The following MAL2 variants were observed in gnomAD, a reference collection of about 807,000 sequenced individuals.
The protein encoded by MAL2 is protein MAL2.
Under a neutral mutation model 18.1 loss-of-function variants are expected in MAL2, and 17 were observed. The ratio of observed to expected loss-of-function variants is 0.94; its 90% CI spans 0.64 to 1.41. The LOEUF is 1.41. Among genes scored for constraint, MAL2 ranks in the 40% most tolerant of loss-of-function variants. The pLI, the probability that MAL2 is intolerant of heterozygous loss-of-function variation, is 0.00. For missense variants in MAL2, 222 were observed against 231.9 expected (o/e 0.96, Z 0.28); for synonymous variants, 102 against 102.3 (o/e 1.00, Z 0.02).
intron 2 of MAL2, among the ~76,000 whole-genome samples, chr8:119,230,136 C>A (rs945827112): frequency 1.3e-5 from 2 of 152,184 alleles, no homozygotes; most frequent in Non-Finnish European, 2.9e-5. Flanking sequence ...TTTTCAAACA[C>A]TTGTCACTCT....
intron 2 of MAL2, among the ~76,000 whole-genome samples, chr8:119,235,369 A>T (rs548395743): frequency 0.015 from 2,259 of 152,226 alleles, 60 homozygotes; most frequent in African/African-American, 0.052. Flanking sequence ...AAGTTGGAAA[A>T]CACTACAGGA....
intron 2 of MAL2, among the ~76,000 whole-genome samples, chr8:119,227,171 A>C (rs904348781): frequency 1.3e-5 from 2 of 152,202 alleles, no homozygotes; most frequent in African/African-American, 2.4e-5. Flanking sequence ...TTAATGCATT[A>C]ATTAATGTTA....
chr8:119,240,298 A>T lies in MAL2; in HGVS notation c.437A>T (p.Tyr146Phe). The T allele has an allele frequency of 1.9e-6, 3 of 1,613,636 alleles. No homozygotes were observed. The change falls in exon 3 of 4, where the codon TAT (tyrosine) becomes TTT (phenylalanine). Residue 146 changes from tyrosine to phenylalanine, a missense_variant. Transcript: ENST00000614891. ...CAGCCACTCCTGAGTGATAACCAGT[A>T]TAACATAAACGTAGCAGCCTCAGTA... ...TGQPLLSDNQ[Y>F]NINVAASIFA...
intron 2 of MAL2, among the ~76,000 whole-genome samples, chr8:119,238,219 C>T (rs1470220248): frequency 6.6e-6 from 1 of 152,134 alleles, no homozygotes; most frequent in Non-Finnish European, 1.5e-5. Flanking sequence ...CCTAGGAATC[C>T]AACTTACAAG....
At chr8:119,226,671 A>G (rs1340269469) in intron 2 of MAL2, among the ~76,000 whole-genome samples, 1 of 152,062 alleles carries the variant, frequency 6.6e-6, no homozygotes, top group Non-Finnish European at 1.5e-5. Flanking sequence ...GGCTGGGTTC[A>G]TCTGCTAATA....
chr8:119,234,847 C>T (rs1363465798), intron 2 of MAL2, among the ~76,000 whole-genome samples: 1 of 151,802 alleles, frequency 6.6e-6, no homozygotes, highest in African/African-American at 2.4e-5. Flanking sequence ...GATAAAACCA[C>T]AAAGATGGGG....
In MAL2 at chr8:119,208,437, G is replaced by A. The variant is rs1385152281; in HGVS notation, c.-36G>A. 8.6e-5 allele frequency: 98 copies of A among 1,139,714 alleles called. No homozygotes were observed. The highest frequency in any genetic ancestry group is 1.0e-4 in the Non-Finnish European group (94 of 925,506). The allele number at this position is 1,139,714 out of a possible 1,614,324, so 70.6% of individuals were successfully genotyped here. A position where few individuals can be genotyped will look rare whatever the true frequency, so the allele number is the denominator to read the frequency against. ...CCGGGAGGCGGAGGCGGGAGGCGGC[G>A]GCGGCGCGCGGAGACGCAGCAGCGG... On this transcript the variant is annotated 5_prime_UTR_variant, in exon 1 of 4. Transcript: ENST00000614891. The surrounding 1 kb of genome is among the most constrained non-coding windows in gnomAD (Gnocchi z 4.3).
intron 2 of MAL2, among the ~76,000 whole-genome samples, chr8:119,235,698 T>C (rs985049251): frequency 6.6e-6 from 1 of 151,124 alleles, no homozygotes; most frequent in Non-Finnish European, 1.5e-5. Context: ...AAACTAAGCT[T>C]CCTAAGTGAA....
chr8:119,219,552 T>A (rs3966777), intron 1 of MAL2, among the ~76,000 whole-genome samples: 48,876 of 128,016 alleles, frequency 0.38, 8,892 homozygotes, highest in Non-Finnish European at 0.47. Flanking sequence ...TGTGTGTGTG[T>A]GTGAGAGAGA....
chr8:119,217,386 A>G (rs1817374440), intron 1 of MAL2, among the ~76,000 whole-genome samples: 1 of 152,352 alleles, frequency 6.6e-6, no homozygotes, highest in South Asian at 2.1e-4. Context: ...GGTTAAGAAG[A>G]TAAAAGGTGA....
chr8:119,212,269 A>C lies in MAL2; in HGVS notation c.132+3665A>C, dbSNP rs1027607085. ...GTATTAATCACGAAAAAGAATACAG[A>C]TAATCATTGAATTCATTGTGTTTTA... On this transcript the variant is annotated intron_variant, in intron 1 of 3. Coordinates refer to ENST00000614891, the MANE Select transcript of MAL2 (RefSeq NM_052886.3). Among the ~76,000 whole-genome samples, 21 of 152,374 alleles carry C rather than the reference A, an allele frequency of 1.4e-4. No individual in the cohort carries two copies. In the Middle Eastern group the frequency reaches 0.01, roughly 74 times the overall value.
chr8:119,231,647 A>C (rs1363527769), intron 2 of MAL2, among the ~76,000 whole-genome samples: 2 of 152,242 alleles, frequency 1.3e-5, no homozygotes, highest in Admixed American at 1.3e-4. Flanking sequence ...TCTCATTTTC[A>C]ATACACCATT....
At chr8:119,230,531 C>T (rs1437843363) in intron 2 of MAL2, among the ~76,000 whole-genome samples, 1 of 152,036 alleles carries the variant, frequency 6.6e-6, no homozygotes, top group Non-Finnish European at 1.5e-5. Flanking sequence ...CATCCTTGAG[C>T]TATAAAATGC....
intron 2 of MAL2, among the ~76,000 whole-genome samples, chr8:119,224,887 T>G (rs1817551448): frequency 6.6e-6 from 1 of 152,218 alleles, no homozygotes; most frequent in South Asian, 2.1e-4. Context: ...GTCAGCTATA[T>G]TTTCTGGCCC....
At chr8:119,218,362 G>A (rs1817394391) in intron 1 of MAL2, among the ~76,000 whole-genome samples, 1 of 152,076 alleles carries the variant, frequency 6.6e-6, no homozygotes, top group Admixed American at 6.6e-5. Context: ...TTTTGAGTAC[G>A]ATAAGAACGG....
chr8:119,239,790 A>T (rs1292811235), intron 2 of MAL2, among the ~76,000 whole-genome samples: 1 of 151,988 alleles, frequency 6.6e-6, no homozygotes, highest in Non-Finnish European at 1.5e-5. Flanking sequence ...TAGCATTAGG[A>T]GATATACCTA....
chr8:119,238,706 G>T (rs970265658), intron 2 of MAL2, among the ~76,000 whole-genome samples: 5 of 150,334 alleles, frequency 3.3e-5, no homozygotes, highest in East Asian at 3.9e-4. Flanking sequence ...ATGGTGCTGG[G>T]AAAACTGGCT....
chr8:119,243,215 G>A (rs1818081050), intron 3 of MAL2, among the ~76,000 whole-genome samples: 1 of 151,920 alleles, frequency 6.6e-6, no homozygotes, highest in Non-Finnish European at 1.5e-5. Context: ...AATGTTTAAA[G>A]GAAGGGGGGA....
At chr8:119,225,216 C>T (rs1198265578) in intron 2 of MAL2, among the ~76,000 whole-genome samples, 1 of 152,138 alleles carries the variant, frequency 6.6e-6, no homozygotes, top group Non-Finnish European at 1.5e-5. Context: ...GTGTGCTGCA[C>T]CCATTAACTC....
Sources: allele counts gnomAD v4.1 joint callset (sites outside exome capture counted in the v4.1 genomes callset), GRCh38; gene constraint gnomAD v4.1.1; non-coding constraint Gnocchi (gnomAD v3.1); transcripts MANE v1.5; gene names NCBI Gene and HGNC (gene_info 2026-07-23, HGNC 2026-07-21).